C3AR1: variants seen among roughly 807,000 people sequenced by gnomAD.
The protein encoded by C3AR1 is complement C3a receptor 1, also known as C3a anaphylatoxin chemotactic receptor.
For missense variants in C3AR1, 579 were observed against 583.5 expected, an observed-to-expected ratio of 0.99 and a Z score of 0.08; for synonymous variants, 208 against 225.3, an observed-to-expected ratio of 0.92 and a Z score of 0.69.
Position 8,059,853 on chromosome 12 carries a change from G to C in C3AR1, c.333C>G (p.Phe111Leu). Residue 111 changes from phenylalanine to leucine, a missense_variant, in exon 2 of 2, where the codon TTC (phenylalanine) becomes TTG (leucine). Transcript: ENST00000307637. ...IIVLNMFASV[F>L]LLTAISLDRC... ...GATCCAGGCTAATGGCAGTAAGCAGGAAGACACTGGCAAACATGTTGAGGA... is the reference window on the plus strand; with the variant it reads ...GATCCAGGCTAATGGCAGTAAGCAGCAAGACACTGGCAAACATGTTGAGGA... 6.2e-7 allele frequency: 1 copy of C among 1,614,196 alleles called. No individual in the cohort carries two copies. The highest frequency in any genetic ancestry group is 1.3e-5 in the African/African-American group (1 of 75,034).
chr12:8,064,621 AGAGGTTGTGGTGAGCC>A (rs1191063115), intron 1 of C3AR1, among the ~76,000 whole-genome samples: 1 of 149,204 alleles, frequency 6.7e-6, no homozygotes, highest in Non-Finnish European at 1.5e-5. Context: ...CCTGGGAGGC[AGAGGTTGTGGTGAGCC>A]GAGGTTGCGC....
intron 1 of C3AR1, among the ~76,000 whole-genome samples, chr12:8,060,642 G>A (rs1947265732): frequency 6.6e-6 from 1 of 152,190 alleles, no homozygotes; most frequent in African/African-American, 2.4e-5. Flanking sequence ...TGATCTGCCT[G>A]CCTTGGCCTC....
In C3AR1 at chr12:8,059,513, C is replaced by T. The variant is rs755683338; in HGVS notation, c.673G>A (p.Val225Ile). The change falls in exon 2 of 2, where the codon GTC (valine) becomes ATC (isoleucine). Residue 225 changes from valine (V) to isoleucine (I), a missense_variant. Val to Ile is a conservative substitution (Grantham distance 29, BLOSUM62 3). Coordinates refer to ENST00000307637, the MANE Select transcript of C3AR1 (RefSeq NM_004054.4). ...SFQTNDHPWT[V>I]PTVFQPQTFQ... ...GTTTGAGGTTGGAAGACAGTGGGGACTGTCCAAGGATGATCATTTGTTTGG... is the reference window on the plus strand; with the variant it reads ...GTTTGAGGTTGGAAGACAGTGGGGATTGTCCAAGGATGATCATTTGTTTGG... 5 of 1,614,148 alleles carry T rather than the reference C, an allele frequency of 3.1e-6. No individual in the cohort carries two copies. In the Admixed American group the frequency reaches 6.7e-5, roughly 22 times the overall value.
Position 8,060,135 on chromosome 12 carries a change from T to C in C3AR1, c.51A>G (p.Pro17=), listed in dbSNP as rs1384870326. ...ETNSTDLLSQ[P]WNEPPVILSM... is the part of the protein sequence containing the mutation. The stretch of plus-strand genomic sequence containing the variant: ...AGAGAATTACTGGGGGCTCATTCCA[T>C]GGCTGTGAGAGTAGGTCAGTTGAAT... Residue 17 remains proline (P), a synonymous_variant, in exon 2 of 2, where the codon CCA becomes CCG. Transcript: ENST00000307637. 5 of 1,613,948 alleles carry C rather than the reference T, an allele frequency of 3.1e-6. No homozygotes were observed. Among genetic ancestry groups the C allele is most frequent in the Admixed American group, 1.7e-5 (1 of 60,016 alleles).
Position 8,057,868 on chromosome 12 carries a change from A to C in C3AR1, c.*869T>G, listed in dbSNP as rs1290233086. Among the ~76,000 whole-genome samples the C allele has an allele frequency of 6.6e-6, 1 of 152,104 alleles. No homozygotes were observed. Among genetic ancestry groups the C allele is most frequent in the African/African-American group, 2.4e-5 (1 of 41,420 alleles). On this transcript the variant is annotated 3_prime_UTR_variant, in exon 2 of 2. Transcript: ENST00000307637. ...AGTAACTAGAATCTTACGAAATTAG[A>C]GGTTGTTTGAGGCACAAAGTCTGAT... is the stretch of plus-strand genomic sequence containing the variant.
intron 1 of C3AR1, among the ~76,000 whole-genome samples, chr12:8,061,858 G>C (rs374184035): frequency 6.6e-6 from 1 of 152,210 alleles, no homozygotes; most frequent in African/African-American, 2.4e-5. Flanking sequence ...CCATATTCAC[G>C]TTGTACAACC....
rs1947258799 is a variant in C3AR1 at position 8,060,072 on chromosome 12, C to G, written c.114G>C (p.Leu38Phe). 6.2e-7 allele frequency: 1 copy of G among 1,614,016 alleles called. No homozygotes were observed. The highest frequency in any genetic ancestry group is 1.3e-5 in the African/African-American group (1 of 74,904). Residue 38 changes from leucine to phenylalanine, a missense_variant, in exon 2 of 2, where the codon TTG (leucine) becomes TTC (phenylalanine). Coordinates refer to ENST00000307637, the MANE Select transcript of C3AR1 (RefSeq NM_004054.4). ...VILSLTFLLG[L>F]PGNGLVLWVA... is the part of the protein sequence containing the mutation. ...CCCACAGCACCAGCCCATTGCCTGG[C>G]AATCCCAGTAAAAAAGTAAGGCTGA...
Position 8,058,529 on chromosome 12 carries a change from A to T in C3AR1, c.*208T>A, listed in dbSNP as rs1591585442. The T allele has an allele frequency of 3.6e-6, 2 of 563,000 alleles. No homozygotes were observed. Among genetic ancestry groups the T allele is most frequent in the African/African-American group, 3.8e-5 (2 of 53,030 alleles). The allele number at this position is 563,000 out of a possible 1,614,324, so 34.9% of individuals were successfully genotyped here. On this transcript the variant is annotated 3_prime_UTR_variant, in exon 2 of 2. Transcript: ENST00000307637. The stretch of plus-strand genomic sequence containing the variant: ...TCCCAACCCCCAGAGATTCCGATTC[A>T]GCAAGTCTGGGATGCGGCTTGAGAA...
chr12:8,059,915 C>G lies in C3AR1; in HGVS notation c.271G>C (p.Gly91Arg), dbSNP rs146137267. ...HLALQGQWPY[G>R]RFLCKLIPSI... ...GGGATGAGCTTGCATAGGAACCTGCCGTAGGGCCACTGTCCCTGGAGAGCC... is the reference window on the plus strand; with the variant it reads ...GGGATGAGCTTGCATAGGAACCTGCGGTAGGGCCACTGTCCCTGGAGAGCC... The change falls in exon 2 of 2, where the codon GGC becomes CGC. Residue 91 changes from glycine (G) to arginine (R), a missense_variant. Gly to Arg is a moderately radical substitution (Grantham distance 125). Transcript: ENST00000307637. 6.2e-7 allele frequency: 1 copy of G among 1,614,000 alleles called. No individual in the cohort carries two copies. The highest frequency in any genetic ancestry group is 8.5e-7 in the Non-Finnish European group (1 of 1,180,036).
intron 1 of C3AR1, 85 bp from the exon 2 acceptor site, chr12:8,060,280 T>G (rs1270683251): frequency 8.6e-7 from 1 of 1,156,538 alleles, no homozygotes; most frequent in Non-Finnish European, 1.2e-6. Flanking sequence ...TCTTCCCACA[T>G]AAAGATGTGG....
chr12:8,059,432 G>C lies in C3AR1; in HGVS notation c.754C>G (p.Gln252Glu), dbSNP rs1368124089. Residue 252 changes from glutamine to glutamate, a missense_variant, in exon 2 of 2, where the codon CAA becomes GAA. Physicochemically the swap from Gln to Glu is conservative, Grantham distance 29. Transcript: ENST00000307637. ...LPRGSARLTS[Q>E]NLYSNVFKPA... ...TTAAATACATTAGAATACAGATTTT[G>C]ACTTGTTAACCTAGCAGAACCCCTA... 2 of 1,613,846 alleles carry C rather than the reference G, an allele frequency of 1.2e-6. No individual in the cohort carries two copies. The highest frequency in any genetic ancestry group is 1.7e-6 in the Non-Finnish European group (2 of 1,179,966).
intron 1 of C3AR1, among the ~76,000 whole-genome samples, chr12:8,061,348 T>C (rs1175259765): frequency 2.0e-5 from 3 of 152,212 alleles, no homozygotes; most frequent in African/African-American, 7.2e-5. Flanking sequence ...TTGACCTTTT[T>C]TTATGTGTGT....
chr12:8,058,940 A>G lies in C3AR1; in HGVS notation c.1246T>C (p.Trp416Arg), dbSNP rs1374379964. ...GCTAGAGCAATGCATACATGATCCC[A>G]GGACATCAGAGTTTTCCCCAAGGGA... ...ETPLGKTLMS[W>R]DHVCIALASA... is the part of the protein sequence containing the mutation. Residue 416 changes from tryptophan to arginine, a missense_variant, in exon 2 of 2, where the codon TGG (tryptophan) becomes CGG (arginine). Physicochemically the swap from Trp to Arg is moderately radical, Grantham distance 101. Transcript: ENST00000307637. 6.2e-7 allele frequency: 1 copy of G among 1,614,096 alleles called. No individual in the cohort carries two copies. The highest frequency in any genetic ancestry group is 1.3e-5 in the African/African-American group (1 of 74,950).
intron 1 of C3AR1, among the ~76,000 whole-genome samples, chr12:8,065,096 G>A (rs1164168628): frequency 6.6e-6 from 1 of 150,790 alleles, no homozygotes; most frequent in Non-Finnish European, 1.5e-5. Context: ...TTACTAGGGA[G>A]GTTCTTGGAT....
chr12:8,064,759 A>G (rs191213705), intron 1 of C3AR1, among the ~76,000 whole-genome samples: 9 of 152,222 alleles, frequency 5.9e-5, no homozygotes, highest in Admixed American at 5.9e-4. Flanking sequence ...AGATATTTAA[A>G]TACTATCACG....
At chr12:8,065,999 G>A (rs984644464) in intron 1 of C3AR1, among the ~76,000 whole-genome samples, 1 of 152,136 alleles carries the variant, frequency 6.6e-6, no homozygotes, top group African/African-American at 2.4e-5. Context: ...AATGGGGACA[G>A]CTGGAATCAA....
Position 8,059,952 on chromosome 12 carries a change from C to A in C3AR1, c.234G>T (p.Ser78=). ...GTCCCTGGAGAGCCAAGTGAGCCAG[C>A]GAGAAGGGCAAGGAGAGGCAGCAGA... is the stretch of plus-strand genomic sequence containing the variant. ...DLLCCLSLPF[S]LAHLALQGQW... The change falls in exon 2 of 2, where the codon TCG becomes TCT. Residue 78 remains serine (S), a synonymous_variant. Transcript: ENST00000307637. 1 of 1,614,112 alleles carries A rather than the reference C, an allele frequency of 6.2e-7. No homozygotes were observed. Among genetic ancestry groups the A allele is most frequent in the Non-Finnish European group, 8.5e-7 (1 of 1,180,016 alleles).
rs980783212 is a variant in C3AR1, at chr12:8,058,069, T to C, written c.*668A>G. The stretch of plus-strand genomic sequence containing the variant: ...ATAGATGCTTATTTAGTTGTAATAG[T>C]GGAAACTCTATGTAATAGTGGAAAT... On this transcript the variant is annotated 3_prime_UTR_variant, in exon 2 of 2. Coordinates refer to ENST00000307637, the MANE Select transcript of C3AR1 (RefSeq NM_004054.4). Among the ~76,000 whole-genome samples, 1 of 152,188 alleles carries C rather than the reference T, an allele frequency of 6.6e-6. No individual in the cohort carries two copies. The highest frequency in any genetic ancestry group is 1.5e-5 in the Non-Finnish European group (1 of 68,038).
At position 8,059,150 on chromosome 12, in the gene C3AR1, G is replaced by C; in HGVS notation, c.1036C>G (p.Leu346Val). The change falls in exon 2 of 2, where the codon CTG (leucine) becomes GTG (valine). Residue 346 changes from leucine (L) to valine (V), a missense_variant. Transcript: ENST00000307637. Reference sequence around the variant, plus strand: ...GCTATCATGATAACAGAGGGCAGCAGGAAACCCACCACTAGCCTAGTGATC... The same window carrying C: ...GCTATCATGATAACAGAGGGCAGCACGAAACCCACCACTAGCCTAGTGATC... Reference protein sequence around the residue: ...ITITRLVVGFLLPSVIMIACY... With the variant: ...ITITRLVVGFVLPSVIMIACY... 2 of 1,614,240 alleles carry C rather than the reference G, an allele frequency of 1.2e-6. No individual in the cohort carries two copies. The highest frequency in any genetic ancestry group is 1.7e-6 in the Non-Finnish European group (2 of 1,180,050).
Sources: gnomAD v4.1 joint callset for allele counts (sites outside exome capture counted in the v4.1 genomes callset) on GRCh38, gnomAD v4.1.1 for gene constraint, MANE v1.5 for transcripts, NCBI Gene and HGNC (gene_info 2026-07-23, HGNC 2026-07-21) for gene names.